The following FBXO31 variants were observed in gnomAD, a reference collection of about 807,000 sequenced individuals.
FBXO31 encodes F-box protein 31.
FBXO31 carries 24 observed loss-of-function variants against 54.4 expected under a neutral mutation model. The ratio of observed to expected loss-of-function variants is 0.44; its 90% CI spans 0.32 to 0.62. FBXO31 has a LOEUF of 0.62. Among genes scored for constraint, FBXO31 ranks in the 20% least tolerant of loss-of-function variants. The probability of loss-of-function intolerance (pLI) is 0.05; values close to 1 mark genes in which losing one functional copy is unlikely to be tolerated. For synonymous variants in FBXO31, 388 were observed against 335.6 expected (o/e 1.16, Z -1.71); for missense variants, 665 against 787.1 (o/e 0.84, Z 1.86).
chr16:87,341,793 T>A (rs895888828), intron 5 of FBXO31, among the ~76,000 whole-genome samples: 1 of 152,194 alleles, frequency 6.6e-6, no homozygotes, highest in Non-Finnish European at 1.5e-5. Flanking sequence ...ATGCCATCTA[T>A]TCAAGAAAAC....
chr16:87,339,243 T>C lies in FBXO31; in HGVS notation c.733-2979A>G, dbSNP rs546450566. Among the ~76,000 whole-genome samples, 4 of 152,316 alleles carry C rather than the reference T, an allele frequency of 2.6e-5. No homozygotes were observed. In the East Asian group the frequency reaches 7.7e-4, roughly 29 times the overall value. ...GATCTTTCACCTCAGTTGTGAAAATTATCAGGATGTGTCACCATGTCCAGA... is the reference window on the plus strand; with the variant it reads ...GATCTTTCACCTCAGTTGTGAAAATCATCAGGATGTGTCACCATGTCCAGA... On this transcript the variant is annotated intron_variant, in intron 5 of 8. Coordinates refer to ENST00000311635, the MANE Select transcript of FBXO31 (RefSeq NM_024735.5).
intron 7 of FBXO31, 140 bp from the exon 8 acceptor site, chr16:87,334,426 G>C (rs1279520071): frequency 2.7e-6 from 2 of 745,706 alleles, no homozygotes; most frequent in East Asian, 2.8e-5. Flanking sequence ...CCTTACAGAA[G>C]AAGAAGTCTC....
chr16:87,333,098 C>A (rs890408856), intron 8 of FBXO31, among the ~76,000 whole-genome samples: 1 of 152,240 alleles, frequency 6.6e-6, no homozygotes, highest in South Asian at 2.1e-4. Flanking sequence ...GGTAAGGACA[C>A]GGGGCAGGGC....
At chr16:87,332,045 C>T (rs144192679) in intron 8 of FBXO31, among the ~76,000 whole-genome samples, 1 of 152,228 alleles carries the variant, frequency 6.6e-6, no homozygotes, top group Non-Finnish European at 1.5e-5. Context: ...CAGGAAGACA[C>T]TTATGTCTGT....
intron 1 of FBXO31, among the ~76,000 whole-genome samples, chr16:87,366,074 A>C (rs1418126642): frequency 6.6e-6 from 1 of 152,126 alleles, no homozygotes; most frequent in East Asian, 1.9e-4. Context: ...ACGTCACCAA[A>C]ACCAAGCAGA....
At chr16:87,384,055 G>A (rs920465465), upstream of FBXO31, 13 of 175,494 alleles carry the variant, frequency 7.4e-5, no homozygotes, top group Middle Eastern at 2.4e-3. Flanking sequence ...ACGACCTTCA[G>A]ATTATGAGAC....
chr16:87,384,021 C>G (rs930579140), upstream of FBXO31: 6 of 197,884 alleles, frequency 3.0e-5, no homozygotes, highest in South Asian at 3.8e-4. Flanking sequence ...AAACGTTAGA[C>G]TGCCCCGTGT....
chr16:87,381,948 G>A (rs1907097421), intron 1 of FBXO31, among the ~76,000 whole-genome samples: 1 of 151,876 alleles, frequency 6.6e-6, no homozygotes, highest in African/African-American at 2.4e-5. Context: ...ACTTGAACCT[G>A]GGAGACGGAG....
rs185266321 is a variant in FBXO31 at position 87,335,536 on chromosome 16, G to T, written c.843-79C>A. On this transcript the variant is annotated intron_variant, in intron 6 of 8. Transcript: ENST00000311635. The surrounding 1 kb of genome is among the most constrained non-coding windows in gnomAD (Gnocchi z 5.7). ...AGAACGCCCAAGGTGCCAGGGATGAGCTTTGCAGGGCGGGGTAGGGCGGGC... is the reference window on the plus strand; with the variant it reads ...AGAACGCCCAAGGTGCCAGGGATGATCTTTGCAGGGCGGGGTAGGGCGGGC... 1 of 1,324,694 alleles carries T rather than the reference G, an allele frequency of 7.5e-7. No individual in the cohort carries two copies. Among genetic ancestry groups the T allele is most frequent in the Non-Finnish European group, 1.0e-6 (1 of 966,922 alleles). The allele number at this position is 1,324,694 out of a possible 1,614,324, so 82.1% of individuals were successfully genotyped here. A position where few individuals can be genotyped will look rare whatever the true frequency, so the allele number is the denominator to read the frequency against.
chr16:87,331,214 A>G lies in FBXO31; in HGVS notation c.*74T>C. 1 of 1,480,504 alleles carries G rather than the reference A, an allele frequency of 6.8e-7. No individual in the cohort carries two copies. Among genetic ancestry groups the G allele is most frequent in the Non-Finnish European group, 9.3e-7 (1 of 1,069,584 alleles). 91.7% of individuals were successfully genotyped at this position (1,480,504 alleles called of 1,614,324 possible). A position where few individuals can be genotyped will look rare whatever the true frequency, so the allele number is the denominator to read the frequency against. ...TCAAAAGGCCGGATTTCCAAAGTGC[A>G]TGCTGCTTCTATTCACAGGTCAGAG... is the stretch of plus-strand genomic sequence containing the variant. On this transcript the variant is annotated 3_prime_UTR_variant, in exon 9 of 9. Coordinates refer to ENST00000311635, the MANE Select transcript of FBXO31 (RefSeq NM_024735.5).
chr16:87,377,401 G>T (rs185774430), intron 1 of FBXO31, among the ~76,000 whole-genome samples: 36 of 152,256 alleles, frequency 2.4e-4, no homozygotes, highest in African/African-American at 8.4e-4. Context: ...AGCCATAATA[G>T]CGCCACTACA....
intron 1 of FBXO31, among the ~76,000 whole-genome samples, chr16:87,382,828 G>A (rs1907141872): frequency 1.3e-5 from 2 of 152,114 alleles, no homozygotes; most frequent in South Asian, 4.1e-4. Context: ...TAGAGACGGG[G>A]TTTTACCATC....
chr16:87,369,910 A>G (rs1322663027), intron 1 of FBXO31, among the ~76,000 whole-genome samples: 1 of 152,192 alleles, frequency 6.6e-6, no homozygotes, highest in Non-Finnish European at 1.5e-5. Flanking sequence ...TGTTTTGCCA[A>G]GAGGAACAAA....
upstream of FBXO31, among the ~76,000 whole-genome samples, chr16:87,391,122 G>C (rs1411106892): frequency 6.6e-6 from 1 of 152,134 alleles, no homozygotes; most frequent in African/African-American, 2.4e-5. Context: ...AGGCCGAGGC[G>C]GGAGGGTTGC....
upstream of FBXO31, chr16:87,383,944 C>T (rs937364501): frequency 7.2e-6 from 2 of 276,386 alleles, no homozygotes; most frequent in Non-Finnish European, 1.3e-5. This position sits in a 1 kb window ranked among gnomAD's most constrained non-coding sequence, Gnocchi z 4.9. Flanking sequence ...CACTGCTGCC[C>T]TCCCCTCCAG....
At chr16:87,387,963 G>A (rs1055665335), upstream of FBXO31, among the ~76,000 whole-genome samples, 5 of 152,240 alleles carry the variant, frequency 3.3e-5, no homozygotes, top group African/African-American at 1.2e-4. Context: ...CAAGAGGATT[G>A]CAGTTTAAAA....
chr16:87,342,857 G>A lies in FBXO31; in HGVS notation c.732+20C>T, dbSNP rs1366414447. On this transcript the variant is annotated intron_variant, in intron 5 of 8. Coordinates refer to ENST00000311635, the MANE Select transcript of FBXO31 (RefSeq NM_024735.5). ...GAAAGGTCCGCACCATATGAACACA[G>A]GGCCGGCTGGTGGGCTCACCTCCTG... The A allele has an allele frequency of 2.5e-6, 4 of 1,586,412 alleles. No individual in the cohort carries two copies. Among genetic ancestry groups the A allele is most frequent in the East Asian group, 2.3e-5 (1 of 44,016 alleles).
chr16:87,343,952 C>G (rs1185159186), intron 3 of FBXO31, among the ~76,000 whole-genome samples, 187 bp from the exon 4 acceptor site: 1 of 152,238 alleles, frequency 6.6e-6, no homozygotes, highest in Non-Finnish European at 1.5e-5. Flanking sequence ...TGCAGGTGGA[C>G]ACCAGGAGGA....
At chr16:87,344,628 T>C (rs978021686) in intron 3 of FBXO31, among the ~76,000 whole-genome samples, 1 of 152,028 alleles carries the variant, frequency 6.6e-6, no homozygotes, top group Non-Finnish European at 1.5e-5. Flanking sequence ...TCCACTGCTT[T>C]TTGTTTTTTG....
Sources: allele counts gnomAD v4.1 joint callset (sites outside exome capture counted in the v4.1 genomes callset), GRCh38; gene constraint gnomAD v4.1.1; non-coding constraint Gnocchi (gnomAD v3.1); transcripts MANE v1.5; gene names NCBI Gene and HGNC (gene_info 2026-07-23, HGNC 2026-07-21).